ZNF33A: variants seen among roughly 807,000 people sequenced by gnomAD.
The protein encoded by ZNF33A is brain my041 protein.
Under a neutral mutation model 15.9 loss-of-function variants are expected in ZNF33A, and 9 were observed. That is an observed-to-expected ratio of 0.57 (90% confidence interval 0.34 to 0.99). ZNF33A has a LOEUF of 0.99. Ranked by LOEUF, ZNF33A falls within the 50% of genes least tolerant of loss-of-function variation. The pLI is 0.02. For missense variants in ZNF33A, 843 were observed against 941.6 expected (o/e 0.90, Z 1.37); for synonymous variants, 294 against 324.2 (o/e 0.91, Z 1.00).
intron 4 of ZNF33A, among the ~76,000 whole-genome samples, chr10:38,021,448 C>G (rs1320516318): frequency 6.6e-6 from 1 of 150,776 alleles, no homozygotes; most frequent in Non-Finnish European, 1.5e-5. Flanking sequence ...CAAGAGTAGC[C>G]TGGATAACAT....
intron 4 of ZNF33A, among the ~76,000 whole-genome samples, chr10:38,042,333 G>GCC (rs2065742789): frequency 6.6e-6 from 1 of 151,846 alleles, no homozygotes; most frequent in South Asian, 2.1e-4. Context: ...TTACAGGCAT[G>GCC]TGCCACCACA....
At chr10:38,061,861 G>A (rs1453201336), downstream of ZNF33A, among the ~76,000 whole-genome samples, 1 of 152,194 alleles carries the variant, frequency 6.6e-6, no homozygotes, top group Non-Finnish European at 1.5e-5. Context: ...GGAGGCTGAA[G>A]CAGGAGAATC....
chr10:38,049,424 T>C (rs181055124), intron 4 of ZNF33A, among the ~76,000 whole-genome samples: 88 of 147,774 alleles, frequency 6.0e-4, no homozygotes, highest in African/African-American at 2.1e-3. Context: ...TGATTTGAGA[T>C]CTTTCTTAGG....
chr10:38,055,043 G>A lies in ZNF33A; in HGVS notation c.919G>A (p.Gly307Arg), dbSNP rs1223927576. 1 of 1,613,978 alleles carries A rather than the reference G, an allele frequency of 6.2e-7. No homozygotes were observed. Among genetic ancestry groups the A allele is most frequent in the Non-Finnish European group, 8.5e-7 (1 of 1,179,994 alleles). ...GAAACACTATGATTGTGGTGAAAGT[G>A]GGAATAATTTCAGGAGGAAATTGTG... ...SMKHYDCGES[G>R]NNFRRKLCLS... Residue 307 changes from glycine (G) to arginine (R), a missense_variant, in exon 5 of 5, where the codon GGG (glycine) becomes AGG (arginine). Gly to Arg is a moderately radical substitution (Grantham distance 125). Coordinates refer to ENST00000432900, the MANE Select transcript of ZNF33A (RefSeq NM_006954.2).
chr10:38,027,224 C>G (rs545552294), intron 4 of ZNF33A, among the ~76,000 whole-genome samples: 30 of 151,990 alleles, frequency 2.0e-4, no homozygotes, highest in African/African-American at 7.2e-4. Flanking sequence ...TTGAACCACA[C>G]AGGCATTTCC....
intron 4 of ZNF33A, among the ~76,000 whole-genome samples, chr10:38,029,097 A>G (rs1447662077): frequency 1.3e-5 from 2 of 152,228 alleles, no homozygotes; most frequent in Non-Finnish European, 2.9e-5. Context: ...TTACAAAGCA[A>G]ACATACAGTG....
chr10:38,034,034 A>G (rs1385672345), intron 4 of ZNF33A, among the ~76,000 whole-genome samples: 1 of 152,006 alleles, frequency 6.6e-6, no homozygotes, highest in Non-Finnish European at 1.5e-5. Flanking sequence ...CTTTTTATGC[A>G]CTTGTTGGCT....
At position 38,027,378 on chromosome 10, in the gene ZNF33A, C is replaced by T. The variant is rs550087196; in HGVS notation, c.250+9992C>T. Among the ~76,000 whole-genome samples the T allele has an allele frequency of 2.6e-5, 4 of 151,774 alleles. No individual in the cohort carries two copies. The South Asian group carries it at 8.3e-4, about 32-fold the overall frequency. On this transcript the variant is annotated intron_variant, in intron 4 of 4. Transcript: ENST00000432900. ...GCATTTGTATTTTTTTTTTAAGAGA[C>T]AGAGTCTCACTCTTGCCCAGGCTGT...
At chr10:38,034,866 T>G (rs1404157705) in intron 4 of ZNF33A, among the ~76,000 whole-genome samples, 1 of 152,156 alleles carries the variant, frequency 6.6e-6, no homozygotes, top group Admixed American at 6.6e-5. Flanking sequence ...CTTGCAGCAG[T>G]AGGGCGTGGC....
At chr10:38,035,111 C>CT (rs71007683) in intron 4 of ZNF33A, among the ~76,000 whole-genome samples, 37,020 of 85,218 alleles carry the variant, frequency 0.43, 9,297 homozygotes, top group South Asian at 0.6. Flanking sequence ...CATTTACTTT[C>CT]TTTTTTTTTT....
intron 4 of ZNF33A, among the ~76,000 whole-genome samples, chr10:38,025,027 T>G (rs2064923027): frequency 6.6e-6 from 1 of 152,224 alleles, no homozygotes; most frequent in Non-Finnish European, 1.5e-5. Context: ...CTTTTCTATT[T>G]TATGATCTTG....
At chr10:38,040,509 G>T (rs944917952) in intron 4 of ZNF33A, among the ~76,000 whole-genome samples, 3 of 152,174 alleles carry the variant, frequency 2.0e-5, no homozygotes, top group Non-Finnish European at 4.4e-5. Context: ...GAATTGTTAT[G>T]TCTCCTTTAT....
chr10:38,066,661 A>C (rs1410183407), downstream of ZNF33A, among the ~76,000 whole-genome samples: 4 of 151,898 alleles, frequency 2.6e-5, no homozygotes, highest in African/African-American at 9.7e-5. Flanking sequence ...GAGGCCAGGC[A>C]CAGTGGCTCA....
At chr10:38,063,002 C>CAAAAAAA (rs373779802), downstream of ZNF33A, among the ~76,000 whole-genome samples, 4 of 44,208 alleles carry the variant, frequency 9.0e-5, no homozygotes, top group African/African-American at 2.0e-4. Flanking sequence ...GACTCCATCT[C>CAAAAAAA]AAAAAAAAAA....
At chr10:38,011,732 G>A (rs1247543167) in intron 1 of ZNF33A, among the ~76,000 whole-genome samples, 1 of 152,160 alleles carries the variant, frequency 6.6e-6, no homozygotes, top group African/African-American at 2.4e-5. Context: ...AGCCAGTACT[G>A]TCTACTTTTC....
In ZNF33A at chr10:38,057,170, T is replaced by C. The variant is rs952750998; in HGVS notation, c.*610T>C. 1 of 972,876 alleles carries C rather than the reference T, an allele frequency of 1.0e-6. No homozygotes were observed. The highest frequency in any genetic ancestry group is 1.2e-6 in the Non-Finnish European group (1 of 818,444). The allele number at this position is 972,876 out of a possible 1,614,324, so 60.3% of individuals were successfully genotyped here. Reference sequence around the variant, plus strand: ...TGGTTATATCAAACTTTTACGACTTTTACATTTGAGTAACCATCAACACGA... The same window carrying C: ...TGGTTATATCAAACTTTTACGACTTCTACATTTGAGTAACCATCAACACGA... On this transcript the variant is annotated 3_prime_UTR_variant, in exon 5 of 5. Transcript: ENST00000432900.
intron 4 of ZNF33A, among the ~76,000 whole-genome samples, chr10:38,051,335 A>G (rs1294569114): frequency 6.6e-6 from 1 of 152,266 alleles, no homozygotes; most frequent in East Asian, 1.9e-4. Flanking sequence ...TTTATTGTGC[A>G]ACAATGTATC....
At chr10:38,021,302 C>T (rs957670077) in intron 4 of ZNF33A, among the ~76,000 whole-genome samples, 13 of 152,154 alleles carry the variant, frequency 8.5e-5, no homozygotes, top group African/African-American at 2.7e-4. Context: ...CTAAATGTGT[C>T]TCTAGCAAAC....
At chr10:38,024,906 C>G (rs549151315) in intron 4 of ZNF33A, among the ~76,000 whole-genome samples, 23 of 152,332 alleles carry the variant, frequency 1.5e-4, no homozygotes, top group Non-Finnish European at 2.1e-4. Flanking sequence ...GAGTTAATTA[C>G]TTAGTAACTG....
Sources: allele counts gnomAD v4.1 joint callset (sites outside exome capture counted in the v4.1 genomes callset), GRCh38; gene constraint gnomAD v4.1.1; transcripts MANE v1.5; gene names NCBI Gene and HGNC (gene_info 2026-07-23, HGNC 2026-07-21).